The following LRMDA variants were observed in gnomAD, a reference collection of about 807,000 sequenced individuals.
LRMDA encodes the protein leucine-rich melanocyte differentiation-associated protein.
In LRMDA, 18 loss-of-function variants were observed where a neutral mutation model predicts 29.8. That is an observed-to-expected ratio of 0.60 (90% confidence interval 0.42 to 0.90). LRMDA has a LOEUF of 0.90. Ranked by LOEUF, LRMDA falls within the 40% of genes least tolerant of loss-of-function variation. LRMDA has a pLI of 0.00. For missense variants in LRMDA, 273 were observed against 273.9 expected, an observed-to-expected ratio of 1.00 and a Z score of 0.02; for synonymous variants, 125 against 109.4, an observed-to-expected ratio of 1.14 and a Z score of -0.89.
intron 2 of LRMDA, among the ~76,000 whole-genome samples, chr10:75,760,525 A>G (rs1051470168): frequency 2.0e-5 from 3 of 152,214 alleles, no homozygotes; most frequent in Non-Finnish European, 4.4e-5. Context: ...TGATGAATTA[A>G]TGAACTAAAA....
intron 4 of LRMDA, among the ~76,000 whole-genome samples, chr10:76,051,136 G>T (rs567103570): frequency 6.6e-6 from 1 of 152,276 alleles, no homozygotes; most frequent in African/African-American, 2.4e-5. Context: ...ACCCTCCGCC[G>T]TCTGGTCGCT....
chr10:75,438,403 A>C lies in LRMDA; in HGVS notation c.40A>C (p.Ile14Leu). 1.3e-6 allele frequency: 2 copies of C among 1,550,926 alleles called. No homozygotes were observed. The highest frequency in any genetic ancestry group is 8.7e-7 in the Non-Finnish European group (1 of 1,146,892). ...LVVRGTQVSYIGQDCREIPEH... is the reference protein window; with the variant it reads ...LVVRGTQVSYLGQDCREIPEH... ...TCCATTTAATTTCCAGGTGTCCTAC[A>C]TAGGCCAGGACTGCAGAGAAATTCC... Residue 14 changes from isoleucine to leucine, a missense_variant, in exon 2 of 7, where the codon ATA becomes CTA. By Grantham distance (5) the Ile-to-Leu change is conservative. Transcript: ENST00000611255.
intron 5 of LRMDA, among the ~76,000 whole-genome samples, chr10:76,139,596 G>A (rs1267743408): frequency 6.6e-6 from 1 of 152,108 alleles, no homozygotes; most frequent in African/African-American, 2.4e-5. Flanking sequence ...AGCTCTTGTG[G>A]TTTGTCTAGT....
At chr10:76,156,437 T>C (rs900294400) in intron 5 of LRMDA, among the ~76,000 whole-genome samples, 1 of 152,104 alleles carries the variant, frequency 6.6e-6, no homozygotes, top group African/African-American at 2.4e-5. Flanking sequence ...TTCCAAACAG[T>C]GTCATAAAAG....
At chr10:76,416,103 C>A (rs1382303278) in intron 6 of LRMDA, among the ~76,000 whole-genome samples, 3 of 152,200 alleles carry the variant, frequency 2.0e-5, no homozygotes, top group Non-Finnish European at 4.4e-5. Context: ...TAGGAAGAAG[C>A]ATACTGTACT....
chr10:75,893,200 A>G (rs763464817), intron 2 of LRMDA, among the ~76,000 whole-genome samples: 4 of 152,140 alleles, frequency 2.6e-5, no homozygotes, highest in Non-Finnish European at 4.4e-5. Flanking sequence ...CTGGACACCT[A>G]CTGTTTGCCA....
intron 2 of LRMDA, among the ~76,000 whole-genome samples, chr10:75,491,768 C>T (rs1488067787): frequency 6.6e-6 from 1 of 152,142 alleles, no homozygotes; most frequent in Non-Finnish European, 1.5e-5. Flanking sequence ...GTGCTGTCTT[C>T]TCCTCTGTCT....
chr10:75,963,883 G>T (rs1846811563), intron 2 of LRMDA, among the ~76,000 whole-genome samples: 1 of 152,196 alleles, frequency 6.6e-6, no homozygotes, highest in Non-Finnish European at 1.5e-5. Flanking sequence ...TCTGCTTACA[G>T]AGCAAATATG....
chr10:76,549,338 C>A (rs1843466570), intron 6 of LRMDA, among the ~76,000 whole-genome samples: 2 of 152,232 alleles, frequency 1.3e-5, no homozygotes, highest in South Asian at 2.1e-4. Context: ...CCTGTTTTTC[C>A]TTCCCTACAA....
chr10:76,149,979 G>A (rs1022752915), intron 5 of LRMDA, among the ~76,000 whole-genome samples: 2 of 152,182 alleles, frequency 1.3e-5, no homozygotes, highest in African/African-American at 4.8e-5. Flanking sequence ...ACCAACCAGG[G>A]CTCCCTAGGG....
intron 5 of LRMDA, among the ~76,000 whole-genome samples, chr10:76,173,493 A>C (rs781607454): frequency 2.0e-5 from 3 of 152,222 alleles, no homozygotes; most frequent in Non-Finnish European, 4.4e-5. Flanking sequence ...CAGATTACCA[A>C]TATCAAGAAT....
chr10:76,407,341 A>T (rs1345624839), intron 6 of LRMDA, among the ~76,000 whole-genome samples: 3 of 152,194 alleles, frequency 2.0e-5, no homozygotes, highest in African/African-American at 7.2e-5. Context: ...CTATTGTTTC[A>T]TTGATTCTCT....
intron 2 of LRMDA, among the ~76,000 whole-genome samples, chr10:75,687,989 G>GA (rs200319614): frequency 0.013 from 2,001 of 152,200 alleles, 23 homozygotes; most frequent in Non-Finnish European, 0.018. Context: ...CTACTGCTCA[G>GA]AAAAAAAGAT....
intron 6 of LRMDA, among the ~76,000 whole-genome samples, chr10:76,519,153 A>G (rs535255049): frequency 6.6e-6 from 1 of 152,230 alleles, no homozygotes; most frequent in South Asian, 2.1e-4. Flanking sequence ...TACCAAAAAT[A>G]CAAAAATTAG....
At chr10:75,833,181 G>A (rs972829725) in intron 2 of LRMDA, among the ~76,000 whole-genome samples, 1 of 152,140 alleles carries the variant, frequency 6.6e-6, no homozygotes, top group Non-Finnish European at 1.5e-5. Flanking sequence ...ATTGTTTAAT[G>A]CATCCTAATT....
intron 2 of LRMDA, among the ~76,000 whole-genome samples, chr10:75,612,818 G>GA (rs752432937): frequency 0.013 from 1,922 of 145,226 alleles, 12 homozygotes; most frequent in Non-Finnish European, 0.022. Context: ...AGTGTAAAAT[G>GA]AAAAAAAAAA....
At chr10:75,700,466 C>T (rs750933078) in intron 2 of LRMDA, among the ~76,000 whole-genome samples, 9 of 143,460 alleles carry the variant, frequency 6.3e-5, no homozygotes, top group South Asian at 2.2e-4. Flanking sequence ...GATGGAGTCT[C>T]GCTCTGTCGC....
intron 2 of LRMDA, among the ~76,000 whole-genome samples, chr10:76,034,820 C>T (rs1309010762): frequency 2.6e-5 from 4 of 152,166 alleles, no homozygotes; most frequent in South Asian, 2.1e-4. Context: ...GCATCCCCTA[C>T]GTGTCTCCCT....
chr10:76,155,350 C>G (rs542892147), intron 5 of LRMDA, among the ~76,000 whole-genome samples: 1 of 147,194 alleles, frequency 6.8e-6, no homozygotes, highest in South Asian at 2.1e-4. Context: ...ATGAACATAC[C>G]TGAAATCTCT....
Sources: gnomAD v4.1 joint callset for allele counts (sites outside exome capture counted in the v4.1 genomes callset) on GRCh38, gnomAD v4.1.1 for gene constraint, MANE v1.5 for transcripts, NCBI Gene and HGNC (gene_info 2026-07-23, HGNC 2026-07-21) for gene names.